ZNF148: variants seen among roughly 807,000 people sequenced by gnomAD.
ZNF148 encodes the protein Beta-Enolase Repressor Factor-1.
A neutral mutation model predicts 67.7 loss-of-function variants in ZNF148; 7 were observed. The ratio of observed to expected loss-of-function variants is 0.10; its 90% CI spans 0.06 to 0.19. The LOEUF is 0.19. Ranked by LOEUF, ZNF148 falls within the 10% of genes least tolerant of loss-of-function variation. The pLI is 1.00. For missense variants in ZNF148, 583 were observed against 947.1 expected, an observed-to-expected ratio of 0.62 and a Z score of 5.05; for synonymous variants, 333 against 330.7, an observed-to-expected ratio of 1.01 and a Z score of -0.08.
At chr3:125,325,719 C>T (rs1429419969) in intron 2 of ZNF148, among the ~76,000 whole-genome samples, 1 of 152,122 alleles carries the variant, frequency 6.6e-6, no homozygotes, top group African/African-American at 2.4e-5. Flanking sequence ...ACCATCTTGG[C>T]CTCCCAAATC....
At chr3:125,268,354 A>C (rs1029343641) in intron 7 of ZNF148, among the ~76,000 whole-genome samples, 1 of 151,098 alleles carries the variant, frequency 6.6e-6, no homozygotes, top group African/African-American at 2.5e-5. Context: ...ACTGGTACAA[A>C]AATAGATACA....
chr3:125,369,441 A>T (rs1047210893), intron 1 of ZNF148, among the ~76,000 whole-genome samples: 23 of 149,016 alleles, frequency 1.5e-4, no homozygotes, highest in African/African-American at 5.7e-4. Flanking sequence ...AACTCCTAGC[A>T]AACAGGGACC....
Position 125,263,321 on chromosome 3 carries a change from C to T in ZNF148, c.667+14405G>A, listed in dbSNP as rs145097394. Among the ~76,000 whole-genome samples, 365 of 152,272 alleles carry T rather than the reference C, an allele frequency of 2.4e-3. 1 individual carries two copies. Among genetic ancestry groups the T allele is most frequent in the African/African-American group, 8.4e-3 (348 of 41,538 alleles). On this transcript the variant is annotated intron_variant, in intron 7 of 8. Transcript: ENST00000360647. ...ATCCCAGGACTTTGGGAAGCCAAGA[C>T]GGGTGGGTCATCTGAGGTGAGGAGT...
intron 4 of ZNF148, among the ~76,000 whole-genome samples, chr3:125,310,349 G>A (rs975426039): frequency 6.6e-6 from 1 of 152,122 alleles, no homozygotes; most frequent in African/African-American, 2.4e-5. Flanking sequence ...AAAGTGCTGA[G>A]ATTATAGGCG....
chr3:125,309,147 T>C (rs1209714292), intron 4 of ZNF148, among the ~76,000 whole-genome samples: 1 of 152,222 alleles, frequency 6.6e-6, no homozygotes, highest in Non-Finnish European at 1.5e-5. Context: ...GGTATCTTGA[T>C]GGATTATGGA....
intron 7 of ZNF148, among the ~76,000 whole-genome samples, chr3:125,244,850 C>G (rs1392306748): frequency 6.6e-6 from 1 of 152,056 alleles, no homozygotes; most frequent in Non-Finnish European, 1.5e-5. Context: ...TGATCCCTTT[C>G]TTTTTCTTGA....
chr3:125,256,634 C>A (rs143228107), intron 7 of ZNF148, among the ~76,000 whole-genome samples: 2,075 of 152,272 alleles, frequency 0.014, 49 homozygotes, highest in African/African-American at 0.045. Context: ...CGAGATCGTG[C>A]CACTACACTC....
chr3:125,307,735 C>T (rs1464453391), intron 4 of ZNF148, among the ~76,000 whole-genome samples: 1 of 152,128 alleles, frequency 6.6e-6, no homozygotes, highest in Non-Finnish European at 1.5e-5. Context: ...ACCTCTGCCT[C>T]CTGGACTCAG....
intron 7 of ZNF148, among the ~76,000 whole-genome samples, chr3:125,254,637 C>A (rs555486088): frequency 5.9e-5 from 9 of 152,234 alleles, no homozygotes; most frequent in Non-Finnish European, 8.8e-5. Context: ...TTGCCTTATT[C>A]TCTTCTGTCT....
At position 125,324,445 on chromosome 3, in the gene ZNF148, T is replaced by C. The variant is rs1579807191; in HGVS notation, c.-152-1001A>G. On this transcript the variant is annotated intron_variant, in intron 2 of 8. Transcript: ENST00000360647. ...GAGAAAAGCTGACAAAAAAGATAGA[T>C]AAAATCATATGGAAAATTTTTAGCA... Among the ~76,000 whole-genome samples the C allele has an allele frequency of 2.6e-5, 4 of 152,144 alleles. No homozygotes were observed. In the South Asian group the frequency reaches 8.3e-4, roughly 32 times the overall value.
rs1016254536 is a variant in ZNF148, at chr3:125,372,228, A to G, written c.-234+2874T>C. Among the ~76,000 whole-genome samples, 10 of 152,156 alleles carry G rather than the reference A, an allele frequency of 6.6e-5. 1 individual carries two copies. The highest frequency in any genetic ancestry group is 1.7e-4 in the African/African-American group (7 of 41,436). ...AGGTCCATCCAAACTTCTCTTTATC[A>G]TCTCATCCAGCATTTTTAGTCTAAT... is the stretch of plus-strand genomic sequence containing the variant. On this transcript the variant is annotated intron_variant, in intron 1 of 8. Coordinates refer to ENST00000360647, the MANE Select transcript of ZNF148 (RefSeq NM_021964.3).
chr3:125,350,265 A>T (rs1019979648), intron 1 of ZNF148, among the ~76,000 whole-genome samples: 2 of 152,126 alleles, frequency 1.3e-5, no homozygotes, highest in African/African-American at 4.8e-5. Flanking sequence ...GGTTCAAGTG[A>T]TTCTCCCAAC....
At chr3:125,353,004 A>C (rs1942209526) in intron 1 of ZNF148, among the ~76,000 whole-genome samples, 3 of 152,332 alleles carry the variant, frequency 2.0e-5, no homozygotes, top group Admixed American at 2.0e-4. Flanking sequence ...AGTTTTTTAA[A>C]TAACTAAACA....
At chr3:125,250,309 G>C (rs1176753893) in intron 7 of ZNF148, among the ~76,000 whole-genome samples, 5 of 152,096 alleles carry the variant, frequency 3.3e-5, no homozygotes, top group African/African-American at 1.2e-4. Flanking sequence ...TGAGGCTAGG[G>C]AGAGGAATAA....
chr3:125,313,497 T>G lies in ZNF148; in HGVS notation c.144A>C (p.Gln48His), dbSNP rs1397684485. ...TCTCCTGGTGAGGCATACTTCGATCTTGAAGTACTGAATCCTGTAGCTCTC... is the reference window on the plus strand; with the variant it reads ...TCTCCTGGTGAGGCATACTTCGATCGTGAAGTACTGAATCCTGTAGCTCTC... Reference protein sequence around the residue: ...VSGELQDSVLQDRSMPHQEIL... With the variant: ...VSGELQDSVLHDRSMPHQEIL... Residue 48 changes from glutamine to histidine, a missense_variant, in exon 4 of 9, where the codon CAA (glutamine) becomes CAC (histidine). Physicochemically the swap from Gln to His is conservative, Grantham distance 24. Transcript: ENST00000360647. 11 of 1,614,176 alleles carry G rather than the reference T, an allele frequency of 6.8e-6. No individual in the cohort carries two copies. Among genetic ancestry groups the G allele is most frequent in the South Asian group, 5.5e-5 (5 of 91,088 alleles).
Position 125,233,719 on chromosome 3 carries a change from G to A in ZNF148, c.1007C>T (p.Ser336Phe). Residue 336 changes from serine to phenylalanine, a missense_variant, in exon 9 of 9, where the codon TCT (serine) becomes TTT (phenylalanine). Physicochemically the swap from Ser to Phe is radical, Grantham distance 155. Around this residue, in one of 5 missense-constraint regions of ZNF148, gnomAD observed 78 missense variants for 86.5 expected, o/e 0.90. Coordinates refer to ENST00000360647, the MANE Select transcript of ZNF148 (RefSeq NM_021964.3). The surrounding 1 kb of genome is among the most constrained non-coding windows in gnomAD (Gnocchi z 5.1). Reference protein sequence around the residue: ...GMDKESALDKSDLKKDKNDYL... With the variant: ...GMDKESALDKFDLKKDKNDYL... Reference sequence around the variant, plus strand: ...ATCATTTTTGTCTTTTTTCAGGTCAGATTTGTCCAAAGCACTCTCTTTGTC... The same window carrying A: ...ATCATTTTTGTCTTTTTTCAGGTCAAATTTGTCCAAAGCACTCTCTTTGTC... 1 of 1,613,772 alleles carries A rather than the reference G, an allele frequency of 6.2e-7. No individual in the cohort carries two copies.
intron 1 of ZNF148, among the ~76,000 whole-genome samples, chr3:125,348,030 G>T (rs1037250027): frequency 1.3e-5 from 2 of 152,066 alleles, no homozygotes; most frequent in Non-Finnish European, 2.9e-5. Context: ...AAACGCAGGT[G>T]GATCATTTGA....
chr3:125,239,974 G>A (rs541102359), intron 7 of ZNF148, among the ~76,000 whole-genome samples: 2 of 152,246 alleles, frequency 1.3e-5, no homozygotes, highest in South Asian at 4.1e-4. Context: ...TTTCTTCTGG[G>A]GGGTGACAAA....
intron 2 of ZNF148, among the ~76,000 whole-genome samples, chr3:125,329,073 G>A (rs1941155365): frequency 6.6e-6 from 1 of 150,730 alleles, no homozygotes; most frequent in East Asian, 1.9e-4. Flanking sequence ...ATACTGAATG[G>A]GGAAGGGTTG....
Sources: gnomAD v4.1 joint callset for allele counts (sites outside exome capture counted in the v4.1 genomes callset) on GRCh38, gnomAD v4.1.1 for gene constraint, gnomAD v4.1.1 regional missense constraint, Gnocchi (gnomAD v3.1) non-coding constraint, MANE v1.5 for transcripts, NCBI Gene and HGNC (gene_info 2026-07-23, HGNC 2026-07-21) for gene names.